DYNC2LI1: variants seen among roughly 807,000 people sequenced by gnomAD.
DYNC2LI1 encodes the protein cytoplasmic dynein 2 light intermediate chain 1.
A neutral mutation model predicts 51.9 loss-of-function variants in DYNC2LI1; 45 were observed. That is an observed-to-expected ratio of 0.87 (90% CI 0.68 to 1.11). The LOEUF (loss-of-function observed/expected upper bound fraction) is 1.11. Ranked by LOEUF, DYNC2LI1 falls within the 50% of genes most tolerant of loss-of-function variation. DYNC2LI1 has a pLI of 0.00. For synonymous variants in DYNC2LI1, 130 were observed against 137.8 expected, an observed-to-expected ratio of 0.94 and a Z score of 0.40; for missense variants, 490 against 417.4, an observed-to-expected ratio of 1.17 and a Z score of -1.51.
chr2:43,789,517 C>T, intron 4 of DYNC2LI1, 116 bp from the exon 5 acceptor site: 2 of 823,092 alleles, frequency 2.4e-6, no homozygotes, highest in South Asian at 2.0e-5. Flanking sequence ...TTTTGACTGC[C>T]AAGAAAGGGT....
rs370629104 is a variant in DYNC2LI1 at position 43,795,996 on chromosome 2, A to G, written c.576+38A>G. On this transcript the variant is annotated intron_variant, in intron 7 of 12. Transcript: ENST00000260605. Reference sequence around the variant, plus strand: ...GCTTCTAGCTGAGTTTGTTGTACATATATGGCTGTGCTTTTTATGAGGGAG... The same window carrying G: ...GCTTCTAGCTGAGTTTGTTGTACATGTATGGCTGTGCTTTTTATGAGGGAG... 2.4e-5 allele frequency: 34 copies of G among 1,444,382 alleles called. No individual in the cohort carries two copies. The African/African-American group carries it at 4.1e-4, about 17-fold the overall frequency. 89.5% of individuals were successfully genotyped at this position (1,444,382 alleles called of 1,614,324 possible). A position where few individuals can be genotyped will look rare whatever the true frequency, so the allele number is the denominator to read the frequency against.
rs751130390 is a variant in DYNC2LI1, at chr2:43,796,774, T to C, written c.633T>C (p.His211=). 2.2e-5 allele frequency: 35 copies of C among 1,613,642 alleles called. No homozygotes were observed. Among genetic ancestry groups the C allele is most frequent in the Non-Finnish European group, 2.8e-5 (33 of 1,179,702 alleles). ...GCAAGACACTTCGATTTGTTGCACATTATTATGGAGCATCATTAATGGTTT... is the reference window on the plus strand; with the variant it reads ...GCAAGACACTTCGATTTGTTGCACACTATTATGGAGCATCATTAATGGTTT... The part of the protein sequence containing the change: ...VICKTLRFVA[H]YYGASLMFTS... The change falls in exon 8 of 13, where the codon CAT becomes CAC. Residue 211 remains histidine (H), a synonymous_variant. Transcript: ENST00000260605.
At chr2:43,808,114 T>A (rs1421862009) in intron 12 of DYNC2LI1, among the ~76,000 whole-genome samples, 2 of 152,338 alleles carry the variant, frequency 1.3e-5, no homozygotes, top group African/African-American at 4.8e-5. Flanking sequence ...ACAATTTGTT[T>A]ATTCTTTATG....
downstream of DYNC2LI1, among the ~76,000 whole-genome samples, chr2:43,812,248 T>C (rs954164932): frequency 2.6e-5 from 4 of 151,850 alleles, no homozygotes; most frequent in Non-Finnish European, 5.9e-5. Flanking sequence ...GGACTTTAAA[T>C]AACAGCTGAT....
At chr2:43,799,447 A>T (rs1339758660) in intron 8 of DYNC2LI1, among the ~76,000 whole-genome samples, 2 of 152,172 alleles carry the variant, frequency 1.3e-5, no homozygotes, top group Non-Finnish European at 2.9e-5. Context: ...AAATGTGATA[A>T]CTCTCTAATA....
intron 5 of DYNC2LI1, chr2:43,792,766 T>C (rs1482849334): frequency 9.7e-6 from 15 of 1,544,082 alleles, no homozygotes; most frequent in Non-Finnish European, 1.3e-5. Context: ...ATTTGTCCTT[T>C]TGTTATTTAT....
chr2:43,826,355 C>T, the DYNC2LI1 span: 1 of 1,613,304 alleles, frequency 6.2e-7, no homozygotes, highest in Non-Finnish European at 8.5e-7. Flanking sequence ...CACCATAGAC[C>T]CGGCCTTTAC....
chr2:43,790,215 A>C (rs1225333921), intron 5 of DYNC2LI1, among the ~76,000 whole-genome samples: 1 of 152,218 alleles, frequency 6.6e-6, no homozygotes, highest in Non-Finnish European at 1.5e-5. Context: ...ACCTTAGAGA[A>C]ATAGAACTTA....
At position 43,794,485 on chromosome 2, in the gene DYNC2LI1, C is replaced by G. The variant is rs201948500; in HGVS notation, c.349C>G (p.Leu117Val). The change falls in exon 6 of 13, where the codon CTT becomes GTT. Residue 117 changes from leucine to valine, a missense_variant. Physicochemically the swap from Leu to Val is conservative, Grantham distance 32. Coordinates refer to ENST00000260605, the MANE Select transcript of DYNC2LI1 (RefSeq NM_016008.4). ...GTTTTCTCTTGTTCTCGTTCTGGAT[C>G]TTTCAAAACCTAATGATCTCTGGCC... Reference protein sequence around the residue: ...RTFSLVLVLDLSKPNDLWPTM... With the variant: ...RTFSLVLVLDVSKPNDLWPTM... 106 of 1,613,276 alleles carry G rather than the reference C, an allele frequency of 6.6e-5. No individual in the cohort carries two copies. The highest frequency in any genetic ancestry group is 8.6e-5 in the Non-Finnish European group (101 of 1,179,698).
chr2:43,810,288 A>G, downstream of DYNC2LI1: 1 of 862,364 alleles, frequency 1.2e-6, no homozygotes. Context: ...TGTCGCCATC[A>G]GTGGTCTGGA....
At chr2:43,826,995 C>A in the DYNC2LI1 span, among the ~76,000 whole-genome samples, 1 of 152,182 alleles carries the variant, frequency 6.6e-6, no homozygotes, top group Non-Finnish European at 1.5e-5. Context: ...CATTTGGGTT[C>A]TTTAGAGGGT....
the DYNC2LI1 span, among the ~76,000 whole-genome samples, chr2:43,821,216 T>C: frequency 1.1e-4 from 16 of 152,254 alleles, no homozygotes; most frequent in Middle Eastern, 6.8e-3. Context: ...CCGTTCCTCA[T>C]TGTTGTCTTC....
chr2:43,805,890 C>T (rs4952681), intron 12 of DYNC2LI1, among the ~76,000 whole-genome samples: 63,357 of 148,790 alleles, frequency 0.43, 15,015 homozygotes, highest in African/African-American at 0.66. Flanking sequence ...TTTTCTTTTT[C>T]TTTTTTTTTT....
the DYNC2LI1 span, chr2:43,819,815 C>T: frequency 6.5e-5 from 84 of 1,290,678 alleles, no homozygotes; most frequent in South Asian, 5.5e-4. Context: ...ATATCCATAA[C>T]CACTATCAGT....
intron 4 of DYNC2LI1, 62 bp from the exon 5 acceptor site, chr2:43,789,571 A>T: frequency 7.8e-7 from 1 of 1,279,408 alleles, no homozygotes; most frequent in Non-Finnish European, 1.1e-6. Flanking sequence ...TATTACTGGG[A>T]AGTGCTAATG....
chr2:43,805,320 A>G, intron 12 of DYNC2LI1, 74 bp downstream of exon 12: 1 of 889,808 alleles, frequency 1.1e-6, no homozygotes. Context: ...GGAATTCCTT[A>G]CATTTTTCTC....
At chr2:43,780,669 T>C (rs1240101437) in intron 2 of DYNC2LI1, among the ~76,000 whole-genome samples, 1 of 152,098 alleles carries the variant, frequency 6.6e-6, no homozygotes, top group African/African-American at 2.4e-5. Context: ...TTGCCAGTCA[T>C]GGAGCTGAAG....
downstream of DYNC2LI1, chr2:43,812,720 C>A: frequency 4.9e-6 from 1 of 202,722 alleles, no homozygotes; most frequent in Non-Finnish European, 1.0e-5. Flanking sequence ...CACTTATGGT[C>A]AGGAATCCTT....
At chr2:43,813,411 C>G, downstream of DYNC2LI1, 1 of 828,014 alleles carries the variant, frequency 1.2e-6, no homozygotes, top group Non-Finnish European at 2.0e-6. Flanking sequence ...ATGAAAAATA[C>G]AGGACACTTT....
Sources: allele counts gnomAD v4.1 joint callset (sites outside exome capture counted in the v4.1 genomes callset), GRCh38; gene constraint gnomAD v4.1.1; transcripts MANE v1.5; gene names NCBI Gene and HGNC (gene_info 2026-07-23, HGNC 2026-07-21).